TTC7B: variants seen among roughly 807,000 people sequenced by gnomAD.
TTC7B encodes the protein tetratricopeptide repeat domain 7B, also known as tetratricopeptide repeat protein 7B.
A neutral mutation model predicts 106.8 loss-of-function variants in TTC7B; 28 were observed. That is an observed-to-expected ratio of 0.26 (90% CI 0.19 to 0.36). The LOEUF (loss-of-function observed/expected upper bound fraction) is 0.36, where lower values mean the gene tolerates loss of function less well. Among genes scored for constraint, TTC7B ranks in the 10% least tolerant of loss-of-function variants. The pLI, the probability that TTC7B is intolerant of heterozygous loss-of-function variation, is 1.00. For synonymous variants in TTC7B, 405 were observed against 430.6 expected (o/e 0.94, Z 0.74); for missense variants, 862 against 1,076.4 (o/e 0.80, Z 2.79).
chr14:90,557,326 G>C (rs1193789452), intron 19 of TTC7B, among the ~76,000 whole-genome samples: 1 of 152,128 alleles, frequency 6.6e-6, no homozygotes, highest in Non-Finnish European at 1.5e-5. Flanking sequence ...TGGGGCAGAG[G>C]GCCACGCTCC....
rs147092487 is a variant in TTC7B, at chr14:90,631,823, G to A, written c.1751+12225C>T. On this transcript the variant is annotated intron_variant, in intron 15 of 19. Transcript: ENST00000328459. ...TAAAATCCATCCTACTGGGTATGAA[G>A]TGGTATCTCATTGTGGTTTTGATTT... 1.4e-4 allele frequency among the ~76,000 whole-genome samples: 21 copies of A among 152,268 alleles called. No individual in the cohort carries two copies. The East Asian group carries it at 2.7e-3, about 20-fold the overall frequency.
In TTC7B at chr14:90,532,857, T is replaced by C. The variant is rs8016058; in HGVS notation, c.*8511A>G. The C allele has an allele frequency of 0.078, 11,841 of 152,108 alleles. 892 individuals carry two copies. Among genetic ancestry groups the C allele is most frequent in the African/African-American group, 0.2 (8,088 of 41,456 alleles). The allele number at this position is 152,108 out of a possible 1,614,324, so 9.4% of individuals were successfully genotyped here. A position where few individuals can be genotyped will look rare whatever the true frequency, so the allele number is the denominator to read the frequency against. ...GCCTCCATGGGCTTGGGGAGGTCAT[T>C]TTCCTGGTAGCTGTGCCTTCCTGGG... On this transcript the variant is annotated 3_prime_UTR_variant, in exon 20 of 20. Coordinates refer to ENST00000328459, the MANE Select transcript of TTC7B (RefSeq NM_001010854.2).
chr14:90,799,007 C>T (rs933688971), intron 1 of TTC7B, among the ~76,000 whole-genome samples: 24 of 152,086 alleles, frequency 1.6e-4, no homozygotes, highest in Non-Finnish European at 3.4e-4. Flanking sequence ...TTCTGGCCAC[C>T]CCAGAGGGGT....
At chr14:90,666,515 A>G (rs990778008) in intron 9 of TTC7B, among the ~76,000 whole-genome samples, 6 of 152,212 alleles carry the variant, frequency 3.9e-5, no homozygotes, top group Non-Finnish European at 8.8e-5. Context: ...TGAGAGGTCT[A>G]TCTACAGGAG....
chr14:90,793,260 A>G (rs1400356471), intron 1 of TTC7B, among the ~76,000 whole-genome samples: 1 of 152,182 alleles, frequency 6.6e-6, no homozygotes, highest in African/African-American at 2.4e-5. Flanking sequence ...ACAGTGGCTC[A>G]TGCCTGTAAT....
chr14:90,585,661 C>T (rs1257563864), intron 18 of TTC7B: 4 of 152,340 alleles, frequency 2.6e-5, no homozygotes, highest in African/African-American at 9.7e-5. Context: ...GGGCTTCAGC[C>T]TCCTCAGTCC....
chr14:90,719,369 C>G (rs1306262156), intron 5 of TTC7B, among the ~76,000 whole-genome samples: 2 of 152,204 alleles, frequency 1.3e-5, no homozygotes, highest in Admixed American at 6.5e-5. Flanking sequence ...AATTATGTTA[C>G]TAGGCAACAC....
intron 3 of TTC7B, among the ~76,000 whole-genome samples, chr14:90,756,647 G>A (rs529501863): frequency 4.6e-5 from 7 of 152,076 alleles, no homozygotes; most frequent in East Asian, 1.9e-4. Context: ...TGCCTGCCTC[G>A]GCCTCCCAAA....
intron 2 of TTC7B, among the ~76,000 whole-genome samples, chr14:90,781,696 G>A (rs1263457742): frequency 6.6e-6 from 1 of 152,110 alleles, no homozygotes; most frequent in African/African-American, 2.4e-5. Flanking sequence ...TGAAGATCAG[G>A]ACTTGCTTGC....
intron 12 of TTC7B, among the ~76,000 whole-genome samples, 193 bp from the exon 13 acceptor site, chr14:90,653,091 T>A (rs140154709): frequency 6.6e-6 from 1 of 152,274 alleles, no homozygotes; most frequent in African/African-American, 2.4e-5. Flanking sequence ...GTGCCTGCAC[T>A]CATTAGGTGT....
At chr14:90,605,019 G>C (rs1892579825) in intron 17 of TTC7B, among the ~76,000 whole-genome samples, 1 of 152,146 alleles carries the variant, frequency 6.6e-6, no homozygotes, top group South Asian at 2.1e-4. Context: ...GAATCATAGG[G>C]GAGCAATTTA....
At position 90,538,241 on chromosome 14, in the gene TTC7B, C is replaced by CGGACGGAT; in HGVS notation, c.*3126_*3127insATCCGTCC. 6.7e-6 allele frequency: 1 copy of CGGACGGAT among 149,576 alleles called. No homozygotes were observed. The highest frequency in any genetic ancestry group is 2.0e-4 in the East Asian group (1 of 5,002). The allele number at this position is 149,576 out of a possible 1,614,324, so 9.3% of individuals were successfully genotyped here. A position where few individuals can be genotyped will look rare whatever the true frequency, so the allele number is the denominator to read the frequency against. ...GCGTCCTCATCTATTAATGGATGGA[C>CGGACGGAT]GGATGGATGGATGGATGGATGGATG... On this transcript the variant is annotated 3_prime_UTR_variant, in exon 20 of 20. Transcript: ENST00000328459.
intron 9 of TTC7B, among the ~76,000 whole-genome samples, chr14:90,672,846 A>G (rs1454884476): frequency 6.6e-6 from 1 of 152,222 alleles, no homozygotes; most frequent in Non-Finnish European, 1.5e-5. Flanking sequence ...AGCAGCATAC[A>G]GTTGCCTCTT....
intron 5 of TTC7B, among the ~76,000 whole-genome samples, chr14:90,727,187 A>G (rs552837380): frequency 6.0e-4 from 92 of 152,254 alleles, no homozygotes; most frequent in African/African-American, 2.2e-3. Context: ...GAAATCACCC[A>G]ACCAACAGAG....
chr14:90,552,598 C>T (rs1048737103), intron 19 of TTC7B, among the ~76,000 whole-genome samples: 3 of 152,194 alleles, frequency 2.0e-5, no homozygotes, highest in Admixed American at 6.5e-5. Flanking sequence ...CCACAAAGGC[C>T]GCTGACGTGC....
chr14:90,654,874 C>G, intron 12 of TTC7B, 119 bp downstream of exon 12: 1 of 790,028 alleles, frequency 1.3e-6, no homozygotes, highest in East Asian at 2.6e-5. Flanking sequence ...GATGGCACAC[C>G]AGAATGCCCC....
intron 5 of TTC7B, among the ~76,000 whole-genome samples, chr14:90,703,887 C>G (rs1160007352): frequency 6.6e-6 from 1 of 152,148 alleles, no homozygotes; most frequent in East Asian, 1.9e-4. Flanking sequence ...AGATAACCCG[C>G]TTGGGCCTGG....
chr14:90,702,852 C>T (rs1352179522), intron 5 of TTC7B, among the ~76,000 whole-genome samples: 2 of 152,146 alleles, frequency 1.3e-5, no homozygotes, highest in East Asian at 3.9e-4. Flanking sequence ...CTGACGGGGG[C>T]AGGGGAACAG....
chr14:90,561,594 T>A (rs1890583742), intron 19 of TTC7B, among the ~76,000 whole-genome samples: 1 of 152,210 alleles, frequency 6.6e-6, no homozygotes, highest in Non-Finnish European at 1.5e-5. Context: ...AACACCATCG[T>A]CCCCACATAC....
Sources: gnomAD v4.1 joint callset for allele counts (sites outside exome capture counted in the v4.1 genomes callset) on GRCh38, gnomAD v4.1.1 for gene constraint, MANE v1.5 for transcripts, NCBI Gene and HGNC (gene_info 2026-07-23, HGNC 2026-07-21) for gene names.